Variants in DHTKD1 observed in about 807,000 individuals in gnomAD.
DHTKD1 encodes dehydrogenase E1 and transketolase domain containing 1.
DHTKD1 carries 78 observed loss-of-function variants against 101.8 expected under a neutral mutation model. The ratio of observed to expected loss-of-function variants is 0.77; its 90% CI spans 0.64 to 0.93. The LOEUF (loss-of-function observed/expected upper bound fraction) is 0.93. Ranked by LOEUF, DHTKD1 falls within the 40% of genes least tolerant of loss-of-function variation. DHTKD1 has a pLI of 0.00. For missense variants in DHTKD1, 1,223 were observed against 1,161.7 expected, an observed-to-expected ratio of 1.05 and a Z score of -0.77; for synonymous variants, 462 against 450.3, an observed-to-expected ratio of 1.03 and a Z score of -0.33.
intron 12 of DHTKD1, among the ~76,000 whole-genome samples, chr10:12,112,085 C>T (rs1199034050): frequency 1.3e-5 from 2 of 151,930 alleles, no homozygotes; most frequent in South Asian, 2.1e-4. Flanking sequence ...GTGGCTGAGG[C>T]GGGAGGATCG....
chr10:12,082,360 G>A (rs1832832673), intron 2 of DHTKD1, among the ~76,000 whole-genome samples: 1 of 152,080 alleles, frequency 6.6e-6, no homozygotes, highest in South Asian at 2.1e-4. Context: ...TTCCCAGCCT[G>A]GGAACTTAGA....
In DHTKD1 at chr10:12,094,142, G is replaced by A. The variant is rs748482829; in HGVS notation, c.1229G>A (p.Arg410Gln). ...CCAGAGGAAGTGGTCCGTGCCACAC[G>A]ACTGGCTTTTGAATACCAACGCCAG... ...DSPEEVVRAT[R>Q]LAFEYQRQFR... The change falls in exon 7 of 17, where the codon CGA (arginine) becomes CAA (glutamine). Residue 410 changes from arginine to glutamine, a missense_variant. Arg to Gln is a conservative substitution (Grantham distance 43, BLOSUM62 1). Transcript: ENST00000263035. 3.0e-5 allele frequency: 49 copies of A among 1,613,956 alleles called. No homozygotes were observed. Among genetic ancestry groups the A allele is most frequent in the Non-Finnish European group, 3.7e-5 (44 of 1,180,034 alleles).
intron 12 of DHTKD1, among the ~76,000 whole-genome samples, chr10:12,108,617 C>A (rs2131621413): frequency 6.6e-6 from 1 of 152,208 alleles, no homozygotes; most frequent in Non-Finnish European, 1.5e-5. Flanking sequence ...CCAGAAATAG[C>A]CATTGTCCTC....
intron 13 of DHTKD1, among the ~76,000 whole-genome samples, chr10:12,115,463 T>C (rs185765087): frequency 6.6e-6 from 1 of 152,146 alleles, no homozygotes; most frequent in Admixed American, 6.6e-5. Context: ...AGGGGCGATA[T>C]TTTCATGGCC....
In DHTKD1 at chr10:12,118,911, T is replaced by C; in HGVS notation, c.2565T>C (p.His855=). 1 of 1,568,308 alleles carries C rather than the reference T, an allele frequency of 6.4e-7. No individual in the cohort carries two copies. The highest frequency in any genetic ancestry group is 8.6e-7 in the Non-Finnish European group (1 of 1,157,908). ...AGCAAGAGATGAGCAAATACAAACA[T>C]GTTAAAGGTAAGAGGTTGTTCTCAT... is the stretch of plus-strand genomic sequence containing the variant. The part of the protein sequence containing the change: ...SLQQEMSKYK[H]VKDHIWSQEE... The change falls in exon 15 of 17, where the codon CAT becomes CAC. Residue 855 remains histidine, a synonymous_variant. Coordinates refer to ENST00000263035, the MANE Select transcript of DHTKD1 (RefSeq NM_018706.7).
intron 9 of DHTKD1, 25 bp downstream of exon 9, chr10:12,100,287 G>GTTTTTTTTTTTTTTTGT: frequency 7.4e-6 from 2 of 269,860 alleles, no homozygotes; most frequent in Non-Finnish European, 1.2e-5. Flanking sequence ...TTTTTTTTCT[G>GTTTTTTTTTTTTTTTGT]TTTTTTTTTT....
At position 12,118,651 on chromosome 10, in the gene DHTKD1, A is replaced by G. The variant is rs149434328; in HGVS notation, c.2403-98A>G. 2,665 of 978,228 alleles carry G rather than the reference A, an allele frequency of 2.7e-3. 11 individuals are homozygous for G. Among genetic ancestry groups the G allele is most frequent in the Middle Eastern group, 0.012 (50 of 4,280 alleles). 60.6% of individuals were successfully genotyped at this position (978,228 alleles called of 1,614,324 possible). A position where few individuals can be genotyped will look rare whatever the true frequency, so the allele number is the denominator to read the frequency against. ...CCCGCCTTGGCCTCCCAAAGTGCTG[A>G]GATTACAGGCGTGAGCTACTGCACC... On this transcript the variant is annotated intron_variant, in intron 14 of 16. Coordinates refer to ENST00000263035, the MANE Select transcript of DHTKD1 (RefSeq NM_018706.7).
chr10:12,117,958 C>T lies in DHTKD1; in HGVS notation c.2402+203C>T, dbSNP rs1471938307. ...AGGCTGGAGGGCAGTGGTGCAATCT[C>T]AGCTCTATGCAACCTCCGCCTCCCG... On this transcript the variant is annotated intron_variant, in intron 14 of 16. Coordinates refer to ENST00000263035, the MANE Select transcript of DHTKD1 (RefSeq NM_018706.7). 3.3e-5 allele frequency among the ~76,000 whole-genome samples: 5 copies of T among 151,318 alleles called. No homozygotes were observed. In the East Asian group the frequency reaches 7.8e-4, roughly 24 times the overall value.
At chr10:12,102,356 G>A (rs546735757) in intron 10 of DHTKD1, among the ~76,000 whole-genome samples, 7 of 150,644 alleles carry the variant, frequency 4.6e-5, no homozygotes, top group South Asian at 2.1e-4. Flanking sequence ...CCCAGGAGGC[G>A]GAGGTTGCAG....
At chr10:12,117,252 C>T (rs541593793) in intron 13 of DHTKD1, among the ~76,000 whole-genome samples, 5 of 151,322 alleles carry the variant, frequency 3.3e-5, no homozygotes, top group East Asian at 1.9e-4. Flanking sequence ...TCAGGTGATC[C>T]GCCCACCTTG....
chr10:12,068,958 A>C lies in DHTKD1; in HGVS notation c.-76A>C. 1.3e-6 allele frequency: 2 copies of C among 1,558,336 alleles called. No individual in the cohort carries two copies. Among genetic ancestry groups the C allele is most frequent in the South Asian group, 2.3e-5 (2 of 87,288 alleles). On this transcript the variant is annotated 5_prime_UTR_variant, in exon 1 of 17. Coordinates refer to ENST00000263035, the MANE Select transcript of DHTKD1 (RefSeq NM_018706.7). ...GGCGGGGCTCCGGCCGCCTCTGACG[A>C]GTCCCGGATTTACCAGGGCCGGTGG...
chr10:12,076,288 T>C lies in DHTKD1; in HGVS notation c.155-5184T>C, dbSNP rs901903743. Among the ~76,000 whole-genome samples, 9 of 152,322 alleles carry C rather than the reference T, an allele frequency of 5.9e-5. No homozygotes were observed. The South Asian group carries it at 6.2e-4, about 11-fold the overall frequency. On this transcript the variant is annotated intron_variant, in intron 1 of 16. Coordinates refer to ENST00000263035, the MANE Select transcript of DHTKD1 (RefSeq NM_018706.7). ...GTCAGGAGATACAGACTATCCTGGC[T>C]AACACGGTGAAACCCCGTCTCTACT...
At chr10:12,099,458 G>A (rs1380519102) in intron 8 of DHTKD1, among the ~76,000 whole-genome samples, 3 of 152,088 alleles carry the variant, frequency 2.0e-5, no homozygotes, top group Non-Finnish European at 4.4e-5. Context: ...AGGCCAAGCC[G>A]GGCAGATTAT....
rs2131622623 is a variant in DHTKD1, at chr10:12,110,618, GTCACC to G, written c.2155-2277_2155-2273del. Among the ~76,000 whole-genome samples, 1 of 152,120 alleles carries G rather than the reference GTCACC, an allele frequency of 6.6e-6. No homozygotes were observed. Among genetic ancestry groups the G allele is most frequent in the Non-Finnish European group, 1.5e-5 (1 of 67,992 alleles). On this transcript the variant is annotated intron_variant, in intron 12 of 16. Transcript: ENST00000263035. This position sits in a 1 kb window ranked among gnomAD's most constrained non-coding sequence, Gnocchi z 4.9. ...TTGAATCAAGCTAATTACCAGACCC[GTCACC>G]TCACATACTCACCATTTTTGGGGAA...
chr10:12,099,544 T>G (rs1017134201), intron 8 of DHTKD1, among the ~76,000 whole-genome samples: 18 of 151,958 alleles, frequency 1.2e-4, no homozygotes, highest in African/African-American at 4.3e-4. Context: ...AAAAATTAGC[T>G]GGGCGTGGTG....
At chr10:12,076,989 A>AAG (rs908405968) in intron 1 of DHTKD1, among the ~76,000 whole-genome samples, 2 of 148,030 alleles carry the variant, frequency 1.4e-5, no homozygotes, top group African/African-American at 4.9e-5. Flanking sequence ...AAAAAAAAAA[A>AAG]AAAAAAGGAA....
chr10:12,080,494 G>A (rs1003614473), intron 1 of DHTKD1, among the ~76,000 whole-genome samples: 19 of 151,664 alleles, frequency 1.3e-4, no homozygotes, highest in Admixed American at 1.1e-3. Flanking sequence ...GGCAGATCAC[G>A]AGGTCAGGAG....
At chr10:12,082,334 C>T (rs1588604569) in intron 2 of DHTKD1, among the ~76,000 whole-genome samples, 4 of 152,204 alleles carry the variant, frequency 2.6e-5, no homozygotes, top group African/African-American at 9.6e-5. Flanking sequence ...CTGATACCCG[C>T]CTCATTCTGT....
At chr10:12,072,786 G>A (rs1349244911) in intron 1 of DHTKD1, among the ~76,000 whole-genome samples, 1 of 151,552 alleles carries the variant, frequency 6.6e-6, no homozygotes, top group East Asian at 1.9e-4. Flanking sequence ...GCCGAGGCTG[G>A]AGTGCAATGG....
Sources: allele counts gnomAD v4.1 joint callset (sites outside exome capture counted in the v4.1 genomes callset), GRCh38; gene constraint gnomAD v4.1.1; non-coding constraint Gnocchi (gnomAD v3.1); transcripts MANE v1.5; gene names NCBI Gene and HGNC (gene_info 2026-07-23, HGNC 2026-07-21).